CTNNA2: variants seen among roughly 807,000 people sequenced by gnomAD.
CTNNA2 encodes catenin alpha 2.
CTNNA2 carries 42 observed loss-of-function variants against 101.0 expected under a neutral mutation model. The observed-to-expected ratio is 0.42, with a 90% CI of 0.32 to 0.54. The LOEUF is 0.54. CTNNA2 is among the 20% of genes least tolerant of loss of function. CTNNA2 has a pLI of 0.14. For missense variants in CTNNA2, 871 were observed against 1,223.1 expected, an observed-to-expected ratio of 0.71 and a Z score of 4.29; for synonymous variants, 450 against 456.4, an observed-to-expected ratio of 0.99 and a Z score of 0.18.
At chr2:80,214,411 G>A (rs1365112134) in intron 7 of CTNNA2, among the ~76,000 whole-genome samples, 5 of 152,090 alleles carry the variant, frequency 3.3e-5, no homozygotes, top group Non-Finnish European at 1.5e-5. Context: ...AGGCCTGGTG[G>A]TGACAAAATC....
intron 4 of CTNNA2, among the ~76,000 whole-genome samples, chr2:79,431,643 A>G (rs1678660361): frequency 1.3e-5 from 2 of 152,184 alleles, no homozygotes; most frequent in Admixed American, 1.3e-4. Context: ...GGGTAGAAAA[A>G]TGGAATATAT....
At chr2:79,471,477 C>T (rs946707282) in intron 4 of CTNNA2, among the ~76,000 whole-genome samples, 3 of 152,124 alleles carry the variant, frequency 2.0e-5, no homozygotes, top group African/African-American at 4.8e-5. Context: ...AATAAGGGCA[C>T]TTATCCCATT....
chr2:80,146,920 TTTTTGTA>T (rs1377697019), intron 7 of CTNNA2, among the ~76,000 whole-genome samples: 1 of 145,878 alleles, frequency 6.9e-6, no homozygotes, highest in Non-Finnish European at 1.5e-5. Flanking sequence ...GCCCTGCTAA[TTTTTGTA>T]TTTTGTATTT....
At chr2:79,791,711 G>C (rs1367101967) in intron 3 of CTNNA2, among the ~76,000 whole-genome samples, 1 of 152,098 alleles carries the variant, frequency 6.6e-6, no homozygotes, top group Non-Finnish European at 1.5e-5. Context: ...TGGAGGACTG[G>C]GTGTTCCACA....
intron 9 of CTNNA2, among the ~76,000 whole-genome samples, chr2:80,464,075 G>A (rs1215470844): frequency 6.6e-6 from 1 of 151,846 alleles, no homozygotes; most frequent in African/African-American, 2.4e-5. Flanking sequence ...GTCTGTCCTT[G>A]ACCCAGCATT....
chr2:79,452,461 C>A (rs1670767158), intron 4 of CTNNA2, among the ~76,000 whole-genome samples: 1 of 151,914 alleles, frequency 6.6e-6, no homozygotes, highest in Non-Finnish European at 1.5e-5. Context: ...TGAAATATAA[C>A]CGTGGCGCAT....
intron 2 of CTNNA2, among the ~76,000 whole-genome samples, chr2:79,705,079 G>A (rs7561685): frequency 0.67 from 102,091 of 151,668 alleles, 34,853 homozygotes; most frequent in East Asian, 0.93. Context: ...GCATCTAGTG[G>A]GTCGAATCCA....
Position 80,118,294 on chromosome 2 carries a change from A to AC in CTNNA2, c.1056+208499dup, listed in dbSNP as rs536295883. Among the ~76,000 whole-genome samples, 803 of 152,316 alleles carry AC rather than the reference A, an allele frequency of 5.3e-3. 6 individuals carry two copies. Among genetic ancestry groups the AC allele is most frequent in the Non-Finnish European group, 7.9e-3 (538 of 68,030 alleles). On this transcript the variant is annotated intron_variant, in intron 7 of 18. Transcript: ENST00000402739. ...GGGGCATGAATAGTCATATAGGAAG[A>AC]CCAAAGCCTTCTAGGGCAAGTCGTC... is the stretch of plus-strand genomic sequence containing the variant.
chr2:80,378,149 G>A (rs1286724037), intron 7 of CTNNA2, among the ~76,000 whole-genome samples: 1 of 152,032 alleles, frequency 6.6e-6, no homozygotes, highest in Admixed American at 6.6e-5. Context: ...GAGGTCAGGA[G>A]TTTGAGACCA....
chr2:79,303,451 G>A (rs1184253680), intron 2 of CTNNA2, among the ~76,000 whole-genome samples: 1 of 152,116 alleles, frequency 6.6e-6, no homozygotes. Flanking sequence ...TGAGCTCCAG[G>A]GGAGGTGGTC....
rs571324495 is a variant in CTNNA2, at chr2:79,419,772, G to A, written c.-135+45759G>A. Among the ~76,000 whole-genome samples, 8 of 152,086 alleles carry A rather than the reference G, an allele frequency of 5.3e-5. No homozygotes were observed. In the South Asian group the frequency reaches 1.5e-3, roughly 28 times the overall value. On this transcript the variant is annotated intron_variant, in intron 4 of 21. Coordinates refer to the CTNNA2 transcript ENST00000466387. ...ATAATAAATAGCGCAGTCAAAAACA[G>A]GTATATTCTCTTAGAAATAACCTTT...
chr2:79,771,263 G>A lies in CTNNA2; in HGVS notation c.298+26681G>A, dbSNP rs138378064. On this transcript the variant is annotated intron_variant, in intron 3 of 18. Transcript: ENST00000402739. ...ATTAAGCTGATAGTCGAACCACAGAGCAGAAAAGTATCATGTCCTCTGAAA... is the reference window on the plus strand; with the variant it reads ...ATTAAGCTGATAGTCGAACCACAGAACAGAAAAGTATCATGTCCTCTGAAA... Among the ~76,000 whole-genome samples the A allele has an allele frequency of 5.9e-5, 9 of 152,254 alleles. No homozygotes were observed. The East Asian group carries it at 1.7e-3, about 29-fold the overall frequency.
At chr2:80,546,807 C>T (rs1201184521) in intron 11 of CTNNA2, among the ~76,000 whole-genome samples, 1 of 152,192 alleles carries the variant, frequency 6.6e-6, no homozygotes, top group Non-Finnish European at 1.5e-5. Context: ...TTATTTGGCC[C>T]AGTTCACCTG....
chr2:79,303,091 G>T (rs1195154666), intron 2 of CTNNA2, among the ~76,000 whole-genome samples: 1 of 152,104 alleles, frequency 6.6e-6, no homozygotes, highest in Non-Finnish European at 1.5e-5. Context: ...AGGCATTGTT[G>T]TTATTATTAT....
At chr2:79,826,900 A>T (rs185492734) in intron 3 of CTNNA2, among the ~76,000 whole-genome samples, 284 of 152,346 alleles carry the variant, frequency 1.9e-3, no homozygotes, top group Middle Eastern at 3.4e-3. Flanking sequence ...AGGAAGAGAA[A>T]GAGAGTCATT....
chr2:79,433,201 A>T, intron 4 of CTNNA2, among the ~76,000 whole-genome samples: 1 of 152,320 alleles, frequency 6.6e-6, no homozygotes, highest in African/African-American at 2.4e-5. Flanking sequence ...TTTCAAATCT[A>T]GAAACACTTT....
intron 1 of CTNNA2, among the ~76,000 whole-genome samples, chr2:79,553,081 C>A (rs1159704142): frequency 2.0e-5 from 3 of 152,318 alleles, no homozygotes; most frequent in East Asian, 3.9e-4. Flanking sequence ...CTCTGCTTCC[C>A]TTTTAAATAT....
rs146081319 is a variant in CTNNA2 at position 79,377,674 on chromosome 2, A to G, written c.-135+3661A>G. Among the ~76,000 whole-genome samples the G allele has an allele frequency of 8.7e-3, 1,320 of 152,278 alleles. 12 individuals are homozygous for G. Among genetic ancestry groups the G allele is most frequent in the African/African-American group, 0.03 (1,257 of 41,562 alleles). The stretch of plus-strand genomic sequence containing the variant: ...TGGGGAAAAGGGCATGTTTGCTTTC[A>G]TTCCATTACAAAAGAGTTGGGTTTT... On this transcript the variant is annotated intron_variant, in intron 4 of 21. Coordinates refer to the CTNNA2 transcript ENST00000466387.
intron 3 of CTNNA2, 52 bp from the exon 4 acceptor site, chr2:79,857,961 C>T: frequency 3.2e-6 from 5 of 1,554,874 alleles, no homozygotes; most frequent in South Asian, 1.1e-5. Flanking sequence ...TTAGGATGGC[C>T]AGTCTCTAAG....
Sources: gnomAD v4.1 joint callset for allele counts (sites outside exome capture counted in the v4.1 genomes callset) on GRCh38, gnomAD v4.1.1 for gene constraint, MANE v1.5 for transcripts, NCBI Gene and HGNC (gene_info 2026-07-23, HGNC 2026-07-21) for gene names.